CFI: variants seen among roughly 807,000 people sequenced by gnomAD.
CFI encodes the protein complement factor I.
CFI carries 66 observed loss-of-function variants against 78.8 expected under a neutral mutation model. That is an observed-to-expected ratio of 0.84 (90% CI 0.69 to 1.03). The LOEUF is 1.03. Among genes scored for constraint, CFI ranks in the 50% least tolerant of loss-of-function variants. The probability of loss-of-function intolerance (pLI) is 0.00; values close to 1 mark genes in which losing one functional copy is unlikely to be tolerated. For synonymous variants in CFI, 250 were observed against 232.6 expected, an observed-to-expected ratio of 1.07 and a Z score of -0.68; for missense variants, 706 against 704.5, an observed-to-expected ratio of 1.00 and a Z score of -0.02.
rs188498660 is a variant in CFI, at chr4:109,787,595, T to A, written c.57+14320A>T. On this transcript the variant is annotated intron_variant, in intron 1 of 12. Coordinates refer to ENST00000394634, the MANE Select transcript of CFI (RefSeq NM_000204.5). ...ACATAAGAAATTTGATAAGGTCTTT[T>A]GTTTTTTTTTTAATTTTAAAAATAA... Among the ~76,000 whole-genome samples the A allele has an allele frequency of 6.4e-3, 968 of 152,090 alleles. 8 individuals are homozygous for A. The highest frequency in any genetic ancestry group is 0.011 in the Admixed American group (173 of 15,256).
rs150359443 is a variant in CFI, at chr4:109,776,692, G to A, written c.58-9868C>T. 2.4e-4 allele frequency among the ~76,000 whole-genome samples: 37 copies of A among 152,310 alleles called. No individual in the cohort carries two copies. In the East Asian group the frequency reaches 6.0e-3, roughly 25 times the overall value. On this transcript the variant is annotated intron_variant, in intron 1 of 12. Transcript: ENST00000394634. ...TTGTCAGATTCACCAAAGTTGAAATGAAGGAAAAAATATTAAGGGCAGCCA... is the reference window on the plus strand; with the variant it reads ...TTGTCAGATTCACCAAAGTTGAAATAAAGGAAAAAATATTAAGGGCAGCCA...
intron 11 of CFI, among the ~76,000 whole-genome samples, chr4:109,744,044 A>G (rs1020849283): frequency 6.6e-6 from 1 of 152,178 alleles, no homozygotes; most frequent in African/African-American, 2.4e-5. Flanking sequence ...GGAATTCCAA[A>G]ATAAGAATTA....
intron 12 of CFI, chr4:109,741,422 A>G (rs1354603276): frequency 1.1e-6 from 1 of 882,972 alleles, no homozygotes; most frequent in Admixed American, 6.2e-5. Flanking sequence ...AAATGATGGG[A>G]CTGCCTAGTG....
At chr4:109,742,433 T>G in intron 12 of CFI, 58 bp downstream of exon 12, 1 of 1,126,956 alleles carries the variant, frequency 8.9e-7, no homozygotes, top group Non-Finnish European at 1.4e-6. Flanking sequence ...TGGGAGGAGA[T>G]GTTTGATAGG....
chr4:109,768,866 C>A (rs776628153), intron 1 of CFI, among the ~76,000 whole-genome samples: 3 of 147,614 alleles, frequency 2.0e-5, no homozygotes, highest in Non-Finnish European at 4.5e-5. Context: ...CCATAATTTG[C>A]TTTTCAATAA....
chr4:109,790,952 A>C (rs180891169), intron 1 of CFI, among the ~76,000 whole-genome samples: 1 of 152,064 alleles, frequency 6.6e-6, no homozygotes, highest in Non-Finnish European at 1.5e-5. Context: ...GTACTCCTTT[A>C]GGTATATACC....
At position 109,761,655 on chromosome 4, in the gene CFI, G is replaced by T. The variant is rs1379812474; in HGVS notation, c.520C>A (p.Leu174Ile). The stretch of plus-strand genomic sequence containing the variant: ...AGACATTCAGTGGAATTTATAGAGA[G>T]ATCAGACAACTTAAACCTTCTTTGA... ...DTQRRFKLSD[L>I]SINSTECLHV... Residue 174 changes from leucine to isoleucine, a missense_variant, in exon 4 of 13, where the codon CTC becomes ATC. Transcript: ENST00000394634. The T allele has an allele frequency of 1.2e-6, 2 of 1,613,512 alleles. No homozygotes were observed. Among genetic ancestry groups the T allele is most frequent in the South Asian group, 1.1e-5 (1 of 91,084 alleles).
In CFI at chr4:109,761,868, T is replaced by C. The variant is rs1436305252; in HGVS notation, c.483-176A>G. 1.1e-5 allele frequency: 7 copies of C among 609,900 alleles called. No individual in the cohort carries two copies. In the African/African-American group the frequency reaches 1.3e-4, roughly 11 times the overall value. The allele number at this position is 609,900 out of a possible 1,614,324, so 37.8% of individuals were successfully genotyped here. On this transcript the variant is annotated intron_variant, in intron 3 of 12. Transcript: ENST00000394634. The stretch of plus-strand genomic sequence containing the variant: ...GTACCTTCATCTATAAAAGGGAATA[T>C]AACTACCTCACTGGGTTTTGTAAAG...
At chr4:109,786,002 T>C (rs1467453821) in intron 1 of CFI, among the ~76,000 whole-genome samples, 2 of 151,816 alleles carry the variant, frequency 1.3e-5, no homozygotes, top group African/African-American at 4.8e-5. Flanking sequence ...TATAGCAGTA[T>C]GAAAATGGAC....
chr4:109,790,540 A>T (rs1731248353), intron 1 of CFI, among the ~76,000 whole-genome samples: 1 of 152,078 alleles, frequency 6.6e-6, no homozygotes, highest in East Asian at 1.9e-4. Flanking sequence ...TCACCCAGGT[A>T]TTAAGCCTAG....
At chr4:109,768,053 C>G (rs1268542302) in intron 1 of CFI, among the ~76,000 whole-genome samples, 2 of 144,396 alleles carry the variant, frequency 1.4e-5, no homozygotes, top group African/African-American at 2.6e-5. Flanking sequence ...AACACCACAT[C>G]GTCTCACTCA....
At chr4:109,798,044 A>G (rs1432425183) in intron 1 of CFI, among the ~76,000 whole-genome samples, 1 of 152,206 alleles carries the variant, frequency 6.6e-6, no homozygotes, top group African/African-American at 2.4e-5. Flanking sequence ...ATATGGATGA[A>G]CCTAGAGGAC....
intron 1 of CFI, among the ~76,000 whole-genome samples, chr4:109,773,567 G>T (rs1286376826): frequency 2.0e-5 from 3 of 152,122 alleles, no homozygotes; most frequent in Non-Finnish European, 4.4e-5. Flanking sequence ...GTTGGGGATT[G>T]GTTCTTACTG....
At chr4:109,794,882 T>C (rs1329540804) in intron 1 of CFI, among the ~76,000 whole-genome samples, 1 of 152,156 alleles carries the variant, frequency 6.6e-6, no homozygotes, top group African/African-American at 2.4e-5. Flanking sequence ...TTTAAGACAG[T>C]TGAAGCGTGT....
At chr4:109,751,987 C>T (rs1725198432) in intron 8 of CFI, among the ~76,000 whole-genome samples, 1 of 152,184 alleles carries the variant, frequency 6.6e-6, no homozygotes, top group Non-Finnish European at 1.5e-5. Flanking sequence ...TTCCCAGGAA[C>T]TTAATACTTT....
chr4:109,747,069 C>T (rs1311106549), intron 10 of CFI, among the ~76,000 whole-genome samples: 1 of 152,202 alleles, frequency 6.6e-6, no homozygotes, highest in Non-Finnish European at 1.5e-5. Context: ...GCCCTGGTGC[C>T]TACTATTATA....
At chr4:109,779,007 C>A (rs1220141164) in intron 1 of CFI, among the ~76,000 whole-genome samples, 1 of 152,100 alleles carries the variant, frequency 6.6e-6, no homozygotes, top group African/African-American at 2.4e-5. Context: ...CTATTTATGA[C>A]AAACCCACAG....
intron 1 of CFI, among the ~76,000 whole-genome samples, chr4:109,796,735 C>T (rs531193900): frequency 2.0e-5 from 3 of 152,324 alleles, no homozygotes; most frequent in African/African-American, 7.2e-5. Flanking sequence ...GAGGCGAAGA[C>T]TGCAGTGGGC....
intron 1 of CFI, among the ~76,000 whole-genome samples, chr4:109,788,219 A>G (rs906457610): frequency 3.3e-5 from 5 of 152,168 alleles, no homozygotes; most frequent in African/African-American, 1.2e-4. Flanking sequence ...TATGCTAAGT[A>G]TATCTGCCAG....
Sources: allele counts gnomAD v4.1 joint callset (sites outside exome capture counted in the v4.1 genomes callset), GRCh38; gene constraint gnomAD v4.1.1; transcripts MANE v1.5; gene names NCBI Gene and HGNC (gene_info 2026-07-23, HGNC 2026-07-21).